ESR1: variants seen among roughly 807,000 people sequenced by gnomAD.
ESR1 encodes the protein estrogen receptor.
Under a neutral mutation model 52.7 loss-of-function variants are expected in ESR1, and 12 were observed. The ratio of observed to expected loss-of-function variants is 0.23; its 90% CI spans 0.15 to 0.37. ESR1 has a LOEUF of 0.37. Among genes scored for constraint, ESR1 ranks in the 10% least tolerant of loss-of-function variants. The probability of loss-of-function intolerance (pLI) is 1.00; values close to 1 mark genes in which losing one functional copy is unlikely to be tolerated. For missense variants in ESR1, 584 were observed against 779.7 expected, an observed-to-expected ratio of 0.75 and a Z score of 2.99; for synonymous variants, 305 against 316.8, an observed-to-expected ratio of 0.96 and a Z score of 0.39.
intron 4 of ESR1, among the ~76,000 whole-genome samples, chr6:151,962,475 C>T (rs558289337): frequency 1.3e-5 from 2 of 152,090 alleles, no homozygotes; most frequent in African/African-American, 4.8e-5. Context: ...TAGTGTTGGG[C>T]CCCTGGTTGA....
At chr6:151,783,578 A>G (rs1002469955) in intron 2 of ESR1, among the ~76,000 whole-genome samples, 38 of 152,350 alleles carry the variant, frequency 2.5e-4, no homozygotes, top group African/African-American at 7.7e-4. Context: ...TGTATTAAAT[A>G]CACCTTTTAT....
intron 1 of ESR1, among the ~76,000 whole-genome samples, chr6:151,682,391 T>C (rs753709836): frequency 7.2e-5 from 11 of 152,222 alleles, no homozygotes; most frequent in Non-Finnish European, 1.2e-4. Flanking sequence ...GGGAGTTTCA[T>C]GTGTTTCTTA....
chr6:151,810,567 T>G (rs1301411373), intron 1 of ESR1, among the ~76,000 whole-genome samples: 2 of 152,196 alleles, frequency 1.3e-5, no homozygotes, highest in Admixed American at 1.3e-4. Flanking sequence ...CTCAAAAGTT[T>G]TGGGGCTGAA....
intron 4 of ESR1, among the ~76,000 whole-genome samples, chr6:151,996,037 C>G (rs1459798867): frequency 6.6e-6 from 1 of 152,182 alleles, no homozygotes; most frequent in Non-Finnish European, 1.5e-5. Context: ...GTACTCACAG[C>G]TGCATCACAC....
intron 2 of ESR1, among the ~76,000 whole-genome samples, chr6:151,857,175 GA>G (rs1787999655): frequency 6.6e-6 from 1 of 151,864 alleles, no homozygotes; most frequent in African/African-American, 2.4e-5. Context: ...AAACTATTTG[GA>G]AAAAAATGGA....
chr6:151,957,343 C>T (rs1399560502), intron 4 of ESR1, among the ~76,000 whole-genome samples: 1 of 151,920 alleles, frequency 6.6e-6, no homozygotes, highest in East Asian at 1.9e-4. Flanking sequence ...CATAACTATA[C>T]AAAAAAATCA....
chr6:151,756,450 G>A (rs1400618060), intron 2 of ESR1, among the ~76,000 whole-genome samples: 1 of 152,096 alleles, frequency 6.6e-6, no homozygotes, highest in Non-Finnish European at 1.5e-5. Flanking sequence ...GTTTCATCAC[G>A]TTGGTCGGGC....
intron 5 of ESR1, among the ~76,000 whole-genome samples, chr6:152,024,199 T>C (rs1447453259): frequency 6.6e-6 from 1 of 152,188 alleles, no homozygotes. Flanking sequence ...TGTAGTCTTG[T>C]CTTTTTCTAA....
In ESR1 at chr6:151,836,357, A is replaced by G. The variant is rs75439220; in HGVS notation, c.453-6240A>G. 8.9e-3 allele frequency among the ~76,000 whole-genome samples: 1,355 copies of G among 152,302 alleles called. 19 individuals are homozygous for G. Among genetic ancestry groups the G allele is most frequent in the African/African-American group, 0.029 (1,196 of 41,568 alleles). ...AATCATGGCATAAAGCAAAGGAGGAACAAAGTCACGTCTTACATGGCAATA... is the reference window on the plus strand; with the variant it reads ...AATCATGGCATAAAGCAAAGGAGGAGCAAAGTCACGTCTTACATGGCAATA... On this transcript the variant is annotated intron_variant, in intron 1 of 7. Transcript: ENST00000206249.
chr6:151,994,199 G>A (rs1017477003), intron 4 of ESR1, among the ~76,000 whole-genome samples: 3 of 152,068 alleles, frequency 2.0e-5, no homozygotes, highest in African/African-American at 7.2e-5. Context: ...CCGTGGATAT[G>A]GTTTATGCCA....
intron 5 of ESR1, among the ~76,000 whole-genome samples, chr6:152,027,772 T>C (rs1184905300): frequency 2.0e-5 from 3 of 152,316 alleles, no homozygotes; most frequent in African/African-American, 7.2e-5. Flanking sequence ...TTAGGTCCGT[T>C]TTCCTAGGTA....
At chr6:151,806,537 T>TATATATATATATATATAA (rs1225481764), upstream of ESR1, among the ~76,000 whole-genome samples, 2 of 137,574 alleles carry the variant, frequency 1.5e-5, no homozygotes, top group Admixed American at 1.4e-4. Context: ...TATGTATATA[T>TATATATATATATATATAA]ATATATATAT....
At chr6:151,979,494 TAA>T (rs1220868516) in intron 4 of ESR1, among the ~76,000 whole-genome samples, 5 of 152,166 alleles carry the variant, frequency 3.3e-5, no homozygotes, top group African/African-American at 7.2e-5. Flanking sequence ...CTCATAATCA[TAA>T]GAGAGTTATG....
chr6:152,063,633 A>G (rs2047725633), intron 6 of ESR1, among the ~76,000 whole-genome samples: 1 of 152,154 alleles, frequency 6.6e-6, no homozygotes, highest in Non-Finnish European at 1.5e-5. Flanking sequence ...TTTCTCCACA[A>G]CTGGAGATAT....
intron 2 of ESR1, among the ~76,000 whole-genome samples, chr6:151,705,430 A>G (rs1055102752): frequency 1.3e-5 from 2 of 152,168 alleles, no homozygotes; most frequent in African/African-American, 4.8e-5. Flanking sequence ...ACACATATGA[A>G]CTAAAGATGG....
At chr6:151,951,806 T>C (rs1204977735) in intron 4 of ESR1, among the ~76,000 whole-genome samples, 1 of 152,226 alleles carries the variant, frequency 6.6e-6, no homozygotes, top group Non-Finnish European at 1.5e-5. Flanking sequence ...ACTAGCCGTT[T>C]TCCTCTTTGT....
intron 1 of ESR1, among the ~76,000 whole-genome samples, chr6:151,671,558 G>A (rs955239712): frequency 1.3e-5 from 2 of 152,174 alleles, no homozygotes; most frequent in Non-Finnish European, 2.9e-5. Context: ...GGAGATATTG[G>A]TCAAAGGGCA....
At chr6:151,721,337 G>A (rs1562355393) in intron 2 of ESR1, among the ~76,000 whole-genome samples, 3 of 152,144 alleles carry the variant, frequency 2.0e-5, no homozygotes, top group Admixed American at 6.5e-5. Flanking sequence ...GAGATTGGGA[G>A]TACACAGATC....
At chr6:151,691,565 A>G (rs1778945830) in intron 1 of ESR1, among the ~76,000 whole-genome samples, 2 of 152,224 alleles carry the variant, frequency 1.3e-5, no homozygotes, top group Non-Finnish European at 2.9e-5. Context: ...GATCATGGCA[A>G]TGGTTCCTGC....
Sources: gnomAD v4.1 joint callset for allele counts (sites outside exome capture counted in the v4.1 genomes callset) on GRCh38, gnomAD v4.1.1 for gene constraint, MANE v1.5 for transcripts, NCBI Gene and HGNC (gene_info 2026-07-23, HGNC 2026-07-21) for gene names.